PCDHA9: variants seen among roughly 807,000 people sequenced by gnomAD.
PCDHA9 encodes protocadherin alpha-9.
In PCDHA9, 62 loss-of-function variants were observed where a neutral mutation model predicts 62.0. The observed-to-expected ratio is 1.00, with a 90% CI of 0.81 to 1.23. The LOEUF (loss-of-function observed/expected upper bound fraction) is 1.23, where lower values mean the gene tolerates loss of function less well. PCDHA9 is among the 50% of genes most tolerant of loss of function. The probability of loss-of-function intolerance (pLI) is 0.00; values close to 1 mark genes in which losing one functional copy is unlikely to be tolerated. For synonymous variants in PCDHA9, 557 were observed against 567.6 expected (o/e 0.98, Z 0.27); for missense variants, 1,205 against 1,249.8 (o/e 0.96, Z 0.54).
chr5:140,853,649 T>C (rs2042817758), intron 1 of PCDHA9: 2 of 988,760 alleles, frequency 2.0e-6, no homozygotes, highest in African/African-American at 1.8e-5. Flanking sequence ...AAATTGAGCC[T>C]GTTCCAGACA....
intron 1 of PCDHA9, among the ~76,000 whole-genome samples, chr5:140,953,973 C>T (rs958351959): frequency 6.6e-5 from 10 of 152,036 alleles, no homozygotes; most frequent in Non-Finnish European, 1.3e-4. Context: ...GTGTGTTGTT[C>T]CCCTTCATAT....
At chr5:140,971,743 A>G (rs979953004) in intron 1 of PCDHA9, among the ~76,000 whole-genome samples, 1 of 151,474 alleles carries the variant, frequency 6.6e-6, no homozygotes, top group African/African-American at 2.4e-5. Flanking sequence ...ACACATACAT[A>G]TATCTCATAT....
At chr5:140,869,588 T>G (rs1404476349) in intron 1 of PCDHA9, 7 of 1,613,996 alleles carry the variant, frequency 4.3e-6, no homozygotes, top group Non-Finnish European at 5.9e-6. Flanking sequence ...GATGCTGACA[T>G]TGAAGAGAAT....
chr5:140,914,473 G>A (rs1162580496), intron 1 of PCDHA9, among the ~76,000 whole-genome samples: 1 of 152,116 alleles, frequency 6.6e-6, no homozygotes, highest in Admixed American at 6.6e-5. Flanking sequence ...TATCTTCATA[G>A]GTGAAGTGTT....
At chr5:140,918,186 C>T (rs1177570782) in intron 1 of PCDHA9, among the ~76,000 whole-genome samples, 1 of 151,888 alleles carries the variant, frequency 6.6e-6, no homozygotes, top group Non-Finnish European at 1.5e-5. Flanking sequence ...TTGATTTGGC[C>T]CTCAGCTTGG....
At chr5:140,928,855 C>T (rs781997277) in intron 1 of PCDHA9, 1 of 1,614,184 alleles carries the variant, frequency 6.2e-7, no homozygotes, top group Non-Finnish European at 8.5e-7. Context: ...TCTGGGTGTG[C>T]TGTTGAGCAA....
At chr5:141,007,613 T>C (rs1351675120) in intron 3 of PCDHA9, among the ~76,000 whole-genome samples, 1 of 152,056 alleles carries the variant, frequency 6.6e-6, no homozygotes, top group Non-Finnish European at 1.5e-5. Context: ...GAAGCAGATA[T>C]AGGAGAGGTC....
Position 140,850,272 on chromosome 5 carries a change from A to C in PCDHA9, c.1777A>C (p.Lys593Gln). 6.3e-7 allele frequency: 1 copy of C among 1,594,726 alleles called. No individual in the cohort carries two copies. The highest frequency in any genetic ancestry group is 8.6e-7 in the Non-Finnish European group (1 of 1,167,364). Residue 593 changes from lysine to glutamine, a missense_variant, in exon 1 of 4, where the codon AAG becomes CAG. This residue lies in a region of PCDHA9 where 887 missense variants were observed against 809.5 expected (regional missense o/e 1.10). Coordinates refer to ENST00000532602, the MANE Select transcript of PCDHA9 (RefSeq NM_031857.2). Reference protein sequence around the residue: ...RSVGAGVVVGKVRAVDADSGY... With the variant: ...RSVGAGVVVGQVRAVDADSGY... ...GGTGGGCGCCGGCGTAGTGGTGGGG[A>C]AGGTGCGCGCAGTGGACGCCGACTC...
intron 1 of PCDHA9, chr5:140,867,633 T>C (rs1479252473): frequency 2.6e-5 from 4 of 152,136 alleles, no homozygotes; most frequent in Admixed American, 2.0e-4. Context: ...ATATTTAAGC[T>C]AGAGTGATAT....
At chr5:140,870,919 C>A in intron 1 of PCDHA9, 1 of 1,613,952 alleles carries the variant, frequency 6.2e-7, no homozygotes. Context: ...CAACGCGTGG[C>A]TTTCATATGA....
At chr5:140,887,241 C>T (rs1215011038) in intron 1 of PCDHA9, among the ~76,000 whole-genome samples, 2 of 151,912 alleles carry the variant, frequency 1.3e-5, no homozygotes, top group African/African-American at 2.4e-5. Flanking sequence ...AGACTACCGG[C>T]GCCCGCCACC....
At chr5:140,963,210 C>T (rs1200019403) in intron 1 of PCDHA9, among the ~76,000 whole-genome samples, 1 of 151,742 alleles carries the variant, frequency 6.6e-6, no homozygotes, top group East Asian at 1.9e-4. Flanking sequence ...AAAAAAACCT[C>T]GTGTTTAGAG....
rs1473834306 is a variant in PCDHA9, at chr5:140,848,477, A to G, written c.-19A>G. 1 of 1,563,760 alleles carries G rather than the reference A, an allele frequency of 6.4e-7. No individual in the cohort carries two copies. The highest frequency in any genetic ancestry group is 8.7e-7 in the Non-Finnish European group (1 of 1,148,750). On this transcript the variant is annotated 5_prime_UTR_variant, in exon 1 of 4. Transcript: ENST00000532602. Reference sequence around the variant, plus strand: ...TTGGAGGCAATTTTCACTAATTAGAAGAAGACTGAGTATTTGAAATGTTAT... The same window carrying G: ...TTGGAGGCAATTTTCACTAATTAGAGGAAGACTGAGTATTTGAAATGTTAT...
intron 1 of PCDHA9, among the ~76,000 whole-genome samples, chr5:140,940,840 A>T (rs1554213622): frequency 2.0e-5 from 3 of 152,222 alleles, no homozygotes; most frequent in Non-Finnish European, 1.5e-5. Context: ...ACCTTTCTTC[A>T]CGATAGATTT....
At chr5:140,878,577 G>A (rs1228813773) in intron 1 of PCDHA9, among the ~76,000 whole-genome samples, 2 of 152,122 alleles carry the variant, frequency 1.3e-5, no homozygotes, top group African/African-American at 2.4e-5. Context: ...GTATACCACT[G>A]CCCTGTGCCT....
At chr5:140,871,552 AGT>A in intron 1 of PCDHA9, 1 of 1,493,376 alleles carries the variant, frequency 6.7e-7, no homozygotes, top group Non-Finnish European at 8.9e-7. Context: ...TTTAAAATCC[AGT>A]TTTTTTTCAC....
At position 140,880,762 on chromosome 5, in the gene PCDHA9, G is replaced by A. The variant is rs2153374847; in HGVS notation, c.2394+29873G>A. 3.9e-5 allele frequency among the ~76,000 whole-genome samples: 6 copies of A among 152,350 alleles called. No homozygotes were observed. The Middle Eastern group carries it at 0.014, about 345-fold the overall frequency. On this transcript the variant is annotated intron_variant, in intron 1 of 3. Coordinates refer to ENST00000532602, the MANE Select transcript of PCDHA9 (RefSeq NM_031857.2). ...GGATTGTCAGTGTAACTGCGTGTTGGAGGCTAAAAAGAATGTTAGAGGAGT... is the reference window on the plus strand; with the variant it reads ...GGATTGTCAGTGTAACTGCGTGTTGAAGGCTAAAAAGAATGTTAGAGGAGT...
intron 3 of PCDHA9, among the ~76,000 whole-genome samples, chr5:141,003,398 G>A (rs1282074480): frequency 1.3e-5 from 2 of 152,114 alleles, no homozygotes; most frequent in African/African-American, 4.8e-5. Flanking sequence ...TGAAACCTCC[G>A]CCTCCCGGGT....
rs782061977 is a variant in PCDHA9 at position 140,870,205 on chromosome 5, A to C, written c.2394+19316A>C. 2.5e-6 allele frequency: 4 copies of C among 1,614,148 alleles called. No homozygotes were observed. The South Asian group carries it at 4.4e-5, about 18-fold the overall frequency. On this transcript the variant is annotated intron_variant, in intron 1 of 3. Transcript: ENST00000532602. Reference sequence around the variant, plus strand: ...AGAGGACGCTCAGCCCAGCACGGTCATTGCCCTGATCAGCGTGTCTGACCG... The same window carrying C: ...AGAGGACGCTCAGCCCAGCACGGTCCTTGCCCTGATCAGCGTGTCTGACCG...
Sources: allele counts gnomAD v4.1 joint callset (sites outside exome capture counted in the v4.1 genomes callset), GRCh38; gene constraint gnomAD v4.1.1; regional missense constraint gnomAD v4.1.1; transcripts MANE v1.5; gene names NCBI Gene and HGNC (gene_info 2026-07-23, HGNC 2026-07-21).